TNRC6B: variants seen among roughly 807,000 people sequenced by gnomAD.
The protein encoded by TNRC6B is trinucleotide repeat containing adaptor 6B, also known as trinucleotide repeat-containing gene 6B protein.
TNRC6B carries 52 observed loss-of-function variants against 203.6 expected under a neutral mutation model. The observed-to-expected ratio is 0.26, with a 90% CI of 0.20 to 0.32. TNRC6B has a LOEUF of 0.32. Among genes scored for constraint, TNRC6B ranks in the 10% least tolerant of loss-of-function variants. The probability of loss-of-function intolerance (pLI) is 1.00; values close to 1 mark genes in which losing one functional copy is unlikely to be tolerated. For missense variants in TNRC6B, 1,923 were observed against 2,286.2 expected, an observed-to-expected ratio of 0.84 and a Z score of 3.24; for synonymous variants, 838 against 845.7, an observed-to-expected ratio of 0.99 and a Z score of 0.16.
At chr22:40,071,724 AACCCC>A (rs1406385258) in intron 1 of TNRC6B, among the ~76,000 whole-genome samples, 3 of 152,202 alleles carry the variant, frequency 2.0e-5, no homozygotes, top group Non-Finnish European at 4.4e-5. Flanking sequence ...TAGGCATTAT[AACCCC>A]ACTTGGATTG....
intron 1 of TNRC6B, among the ~76,000 whole-genome samples, chr22:40,186,376 G>A (rs566078931): frequency 9.9e-5 from 15 of 152,110 alleles, no homozygotes; most frequent in Admixed American, 3.3e-4. Flanking sequence ...ATTCGATGGC[G>A]CCAGCACCGC....
At chr22:40,155,821 G>T (rs754282708) in intron 3 of TNRC6B, among the ~76,000 whole-genome samples, 4 of 152,150 alleles carry the variant, frequency 2.6e-5, no homozygotes, top group Non-Finnish European at 5.9e-5. Flanking sequence ...TTCCTGCTTG[G>T]TTATTTGCAG....
Position 40,178,170 on chromosome 22 carries a change from C to T in TNRC6B, c.5+30C>T, listed in dbSNP as rs746802225. ...GTAAATATTTTCAATTTTTTTTAAC[C>T]AATTGATTTATATGGATCTTGTCTA... On this transcript the variant is annotated intron_variant, in intron 1 of 22. Transcript: ENST00000454349. 11 of 1,611,288 alleles carry T rather than the reference C, an allele frequency of 6.8e-6. No individual in the cohort carries two copies. In the African/African-American group the frequency reaches 1.5e-4, roughly 22 times the overall value.
Position 40,324,258 on chromosome 22 carries a change from G to T in TNRC6B, c.*1017G>T, listed in dbSNP as rs1489519846. ...CAAGTCCAAAAAACTAGAGCAGGAG[G>T]TACCTCTTGGAGCAACGGTGTGTTT... On this transcript the variant is annotated 3_prime_UTR_variant, in exon 23 of 23. Transcript: ENST00000454349. The T allele has an allele frequency of 2.0e-5, 3 of 152,040 alleles. No homozygotes were observed. Among genetic ancestry groups the T allele is most frequent in the Non-Finnish European group, 4.4e-5 (3 of 67,948 alleles). The allele number at this position is 152,040 out of a possible 1,614,324, so 9.4% of individuals were successfully genotyped here.
chr22:40,046,614 T>A (rs934519088), intron 1 of TNRC6B, among the ~76,000 whole-genome samples: 26 of 109,882 alleles, frequency 2.4e-4, no homozygotes, highest in South Asian at 9.3e-4. Context: ...AGCACTTAAA[T>A]TTTTTTTTTT....
intron 2 of TNRC6B, among the ~76,000 whole-genome samples, chr22:40,122,946 G>A (rs2068458432): frequency 6.6e-6 from 1 of 152,166 alleles, no homozygotes; most frequent in South Asian, 2.1e-4. Context: ...GGGTCTGTTG[G>A]ACTCTTCAGT....
At chr22:40,260,325 T>G (rs1221765740) in intron 3 of TNRC6B, among the ~76,000 whole-genome samples, 1 of 152,138 alleles carries the variant, frequency 6.6e-6, no homozygotes, top group Non-Finnish European at 1.5e-5. Context: ...TTTGTGATTT[T>G]CTAGGCCTGG....
chr22:40,134,772 A>T (rs920761638), intron 3 of TNRC6B, among the ~76,000 whole-genome samples: 1 of 152,246 alleles, frequency 6.6e-6, no homozygotes, highest in Non-Finnish European at 1.5e-5. Flanking sequence ...TACTAAGGTA[A>T]CATGTTACTA....
At chr22:40,110,115 C>T (rs1185531503) in intron 1 of TNRC6B, among the ~76,000 whole-genome samples, 1 of 152,118 alleles carries the variant, frequency 6.6e-6, no homozygotes, top group Non-Finnish European at 1.5e-5. Context: ...ATAAATTGGT[C>T]ACAAAAGTTA....
intron 3 of TNRC6B, among the ~76,000 whole-genome samples, chr22:40,153,716 C>T (rs537608959): frequency 1.4e-4 from 21 of 151,698 alleles, no homozygotes; most frequent in African/African-American, 5.1e-4. Flanking sequence ...TGAACAAAAA[C>T]GGTAACTTAC....
At chr22:40,304,990 G>A (rs1372945779) in intron 15 of TNRC6B, among the ~76,000 whole-genome samples, 2 of 152,106 alleles carry the variant, frequency 1.3e-5, no homozygotes, top group Non-Finnish European at 2.9e-5. Context: ...TTAATGTATA[G>A]CAAAAAGAGG....
chr22:40,199,059 T>A (rs1405318846), intron 1 of TNRC6B, among the ~76,000 whole-genome samples: 1 of 152,094 alleles, frequency 6.6e-6, no homozygotes, highest in Non-Finnish European at 1.5e-5. Context: ...CAAAGAGTGA[T>A]GAAAACATGC....
Position 40,270,198 on chromosome 22 carries a change from G to A in TNRC6B, c.2883G>A (p.Gly961=). 2 of 1,565,876 alleles carry A rather than the reference G, an allele frequency of 1.3e-6. No homozygotes were observed. Among genetic ancestry groups the A allele is most frequent in the Non-Finnish European group, 1.7e-6 (2 of 1,154,702 alleles). Residue 961 remains glycine, a synonymous_variant, in exon 6 of 23, where the codon GGG becomes GGA. Transcript: ENST00000454349. ...AWGEPNESSP[G]WGEMDDTGAS... is the part of the protein sequence containing the mutation. ...GTGAGCCAAATGAAAGCAGTCCTGGGTGGGGCGAGATGGATGATACAGGAG... is the reference window on the plus strand; with the variant it reads ...GTGAGCCAAATGAAAGCAGTCCTGGATGGGGCGAGATGGATGATACAGGAG...
rs1340823505 is a variant in TNRC6B at position 40,321,293 on chromosome 22, G to T, written c.5114+64G>T. On this transcript the variant is annotated intron_variant, in intron 22 of 22. Coordinates refer to ENST00000454349, the MANE Select transcript of TNRC6B (RefSeq NM_001162501.2). ...ATGAAGATGCACCCGTGAGTATTCT[G>T]GCAGCTGCTGAATTAAAGATGCACC... 8.3e-6 allele frequency: 13 copies of T among 1,566,268 alleles called. No homozygotes were observed. In the East Asian group the frequency reaches 2.9e-4, roughly 35 times the overall value.
At chr22:40,191,535 C>CTTGG (rs2069273338) in intron 1 of TNRC6B, among the ~76,000 whole-genome samples, 1 of 152,174 alleles carries the variant, frequency 6.6e-6, no homozygotes, top group African/African-American at 2.4e-5. Context: ...AGAAGGGTAG[C>CTTGG]TTGGAGTTGT....
intron 1 of TNRC6B, among the ~76,000 whole-genome samples, chr22:40,202,393 T>G (rs752912969): frequency 6.6e-6 from 1 of 152,044 alleles, no homozygotes; most frequent in Non-Finnish European, 1.5e-5. Flanking sequence ...TAGGGTATTA[T>G]AATTACAAAT....
At chr22:40,137,632 G>A (rs970266847) in intron 3 of TNRC6B, among the ~76,000 whole-genome samples, 9 of 152,276 alleles carry the variant, frequency 5.9e-5, no homozygotes, top group Admixed American at 2.0e-4. Flanking sequence ...GCAGGCAATA[G>A]GGAACTATTG....
At position 40,308,625 on chromosome 22, in the gene TNRC6B, C is replaced by G; in HGVS notation, c.4234C>G (p.Gln1412Glu). 1 of 1,613,570 alleles carries G rather than the reference C, an allele frequency of 6.2e-7. No homozygotes were observed. The highest frequency in any genetic ancestry group is 8.5e-7 in the Non-Finnish European group (1 of 1,179,676). ...GGAGGGGCTGCCCTCTGTAGCCACA[C>G]AGGAAGCCAATATGCACAAAAATGG... is the stretch of plus-strand genomic sequence containing the variant. ...MMEGLPSVAT[Q>E]EANMHKNGAI... The change falls in exon 16 of 23, where the codon CAG (glutamine) becomes GAG (glutamate). Residue 1412 changes from glutamine to glutamate, a missense_variant. Around this residue, in one of 8 missense-constraint regions of TNRC6B, gnomAD observed 242 missense variants for 399.5 expected, o/e 0.61. Transcript: ENST00000454349.
chr22:40,083,607 C>T (rs552853313), intron 1 of TNRC6B, among the ~76,000 whole-genome samples: 10 of 151,934 alleles, frequency 6.6e-5, no homozygotes, highest in East Asian at 5.8e-4. Flanking sequence ...CATGTATGCA[C>T]GTGGGGGTGA....
Sources: allele counts gnomAD v4.1 joint callset (sites outside exome capture counted in the v4.1 genomes callset), GRCh38; gene constraint gnomAD v4.1.1; regional missense constraint gnomAD v4.1.1; transcripts MANE v1.5; gene names NCBI Gene and HGNC (gene_info 2026-07-23, HGNC 2026-07-21).